The following CYFIP1 variants were observed in gnomAD, a reference collection of about 807,000 sequenced individuals.
The protein encoded by CYFIP1 is cytoplasmic FMR1-interacting protein 1.
Under a neutral mutation model 163.5 loss-of-function variants are expected in CYFIP1, and 58 were observed. The ratio of observed to expected loss-of-function variants is 0.35; its 90% CI spans 0.29 to 0.44. The LOEUF (loss-of-function observed/expected upper bound fraction) is 0.44, where lower values mean the gene tolerates loss of function less well. Among genes scored for constraint, CYFIP1 ranks in the 20% least tolerant of loss-of-function variants. The probability of loss-of-function intolerance (pLI) is 1.00; values close to 1 mark genes in which losing one functional copy is unlikely to be tolerated. For missense variants in CYFIP1, 1,338 were observed against 1,653.8 expected, an observed-to-expected ratio of 0.81 and a Z score of 3.31; for synonymous variants, 663 against 660.7, an observed-to-expected ratio of 1.00 and a Z score of -0.05.
chr15:22,963,620 T>C lies in CYFIP1; in HGVS notation c.-6-16329A>G, dbSNP rs116237736. On this transcript the variant is annotated intron_variant, in intron 1 of 30. Coordinates refer to ENST00000617928, the MANE Select transcript of CYFIP1 (RefSeq NM_014608.6). ...ACATAAGGGAAAGGAATGGGAAATG[T>C]CTCAAACAGACTTGCCCCGACTCTT... 4.2e-3 allele frequency among the ~76,000 whole-genome samples: 639 copies of C among 151,992 alleles called. 6 individuals carry two copies. Among genetic ancestry groups the C allele is most frequent in the African/African-American group, 0.015 (618 of 41,432 alleles).
intron 11 of CYFIP1, among the ~76,000 whole-genome samples, chr15:22,930,211 CA>C (rs1555412881): frequency 2.7e-5 from 4 of 149,096 alleles, no homozygotes; most frequent in East Asian, 2.0e-4. Flanking sequence ...AAAACACACA[CA>C]AAAAAAAACA....
chr15:22,900,304 C>T (rs901284984), intron 22 of CYFIP1, among the ~76,000 whole-genome samples: 1 of 152,066 alleles, frequency 6.6e-6, no homozygotes, highest in African/African-American at 2.4e-5. Context: ...CCAGAAGTAA[C>T]AGCTCTACCC....
In CYFIP1 at chr15:22,958,097, CT is replaced by C. The variant is rs57822590; in HGVS notation, c.-6-10807del. On this transcript the variant is annotated intron_variant, in intron 1 of 30. Coordinates refer to ENST00000617928, the MANE Select transcript of CYFIP1 (RefSeq NM_014608.6). ...CTAGCTTTATTACTGAAGTAATTTG[CT>C]TTTTTTTTTTTTTTGAAATGGAGTC... is the stretch of plus-strand genomic sequence containing the variant. 6.4e-3 allele frequency among the ~76,000 whole-genome samples: 896 copies of C among 141,008 alleles called. 3 individuals are homozygous for C. Among genetic ancestry groups the C allele is most frequent in the Middle Eastern group, 0.011 (3 of 278 alleles). 92.5% of individuals were successfully genotyped at this position (141,008 alleles called of 152,430 possible).
chr15:22,890,731 C>G (rs1278222765), intron 23 of CYFIP1, among the ~76,000 whole-genome samples: 1 of 106,818 alleles, frequency 9.4e-6, no homozygotes, highest in Non-Finnish European at 2.0e-5. Context: ...GAGGCCGCAC[C>G]TGCCAACAGC....
rs2063336371 is a variant in CYFIP1 at position 22,978,075 on chromosome 15, G to C, written c.-7+2212C>G. Among the ~76,000 whole-genome samples the C allele has an allele frequency of 2.6e-5, 4 of 151,764 alleles. No homozygotes were observed. In the South Asian group the frequency reaches 6.2e-4, roughly 24 times the overall value. ...ACAGAATACTATAGTGATTTGGCCG[G>C]GCACAGTGGCTCATGCCTGTAATAC... is the stretch of plus-strand genomic sequence containing the variant. On this transcript the variant is annotated intron_variant, in intron 1 of 30. Transcript: ENST00000617928.
chr15:22,969,980 A>G (rs1312137155), intron 1 of CYFIP1, among the ~76,000 whole-genome samples: 2 of 152,204 alleles, frequency 1.3e-5, no homozygotes, highest in South Asian at 2.1e-4. Context: ...ACATGATTTT[A>G]TATGTAGTAA....
At chr15:22,925,756 G>C (rs1327532935) in intron 13 of CYFIP1, among the ~76,000 whole-genome samples, 1 of 152,114 alleles carries the variant, frequency 6.6e-6, no homozygotes, top group Non-Finnish European at 1.5e-5. Context: ...CCAGACGCAG[G>C]TCCAGGAGTC....
At chr15:22,892,865 G>A (rs374110941) in intron 23 of CYFIP1, 25 bp downstream of exon 23, 56 of 1,557,710 alleles carry the variant, frequency 3.6e-5, no homozygotes, top group Non-Finnish European at 4.2e-5. Context: ...CTTCAAGCTC[G>A]TAACACGAAC....
chr15:22,879,240 T>C (rs549208662), intron 26 of CYFIP1, among the ~76,000 whole-genome samples: 14 of 152,152 alleles, frequency 9.2e-5, no homozygotes, highest in Non-Finnish European at 1.9e-4. Flanking sequence ...CCCACCTCGT[T>C]AGTCACGATG....
intron 11 of CYFIP1, among the ~76,000 whole-genome samples, chr15:22,928,389 T>A (rs897730434): frequency 2.7e-5 from 4 of 147,566 alleles, no homozygotes; most frequent in African/African-American, 9.9e-5. Flanking sequence ...TCTCAAAAAA[T>A]AATAAATAAA....
rs1445578058 is a variant in CYFIP1, at chr15:22,870,166, A to C, written c.3624T>G (p.Ile1208Met). 6.2e-7 allele frequency: 1 copy of C among 1,610,554 alleles called. No individual in the cohort carries two copies. The highest frequency in any genetic ancestry group is 8.5e-7 in the Non-Finnish European group (1 of 1,178,664). ...NVPLKKMVER[I>M]RKFQILNDEI... Reference sequence around the variant, plus strand: ...CATCATTGAGAATCTGGAACTTGCGAATTCTCTCCACCATCTTCTTCAAAG... The same window carrying C: ...CATCATTGAGAATCTGGAACTTGCGCATTCTCTCCACCATCTTCTTCAAAG... The change falls in exon 31 of 31, where the codon ATT becomes ATG. Residue 1208 changes from isoleucine (I) to methionine (M), a missense_variant. Ile to Met is a conservative substitution (Grantham distance 10, BLOSUM62 1). Transcript: ENST00000617928.
intron 1 of CYFIP1, among the ~76,000 whole-genome samples, chr15:22,960,363 G>A (rs1043216719): frequency 6.6e-6 from 1 of 152,192 alleles, no homozygotes; most frequent in Non-Finnish European, 1.5e-5. Flanking sequence ...CCATTTCAGC[G>A]GGCTCGTGCT....
intron 17 of CYFIP1, among the ~76,000 whole-genome samples, chr15:22,913,214 AAAG>A: frequency 6.6e-6 from 1 of 150,402 alleles, no homozygotes; most frequent in Middle Eastern, 3.5e-3. Context: ...GGAAAAAAAA[AAAG>A]AATGAACTGA....
intron 1 of CYFIP1, among the ~76,000 whole-genome samples, chr15:22,959,213 G>C: frequency 6.6e-6 from 1 of 152,326 alleles, no homozygotes; most frequent in East Asian, 1.9e-4. Flanking sequence ...GCAACACACA[G>C]ACAGCATAAA....
At chr15:22,922,863 A>C (rs550192909) in intron 13 of CYFIP1, among the ~76,000 whole-genome samples, 5 of 152,102 alleles carry the variant, frequency 3.3e-5, no homozygotes, top group Non-Finnish European at 7.4e-5. Context: ...GTGGTGGCGC[A>C]CACCTGTAAT....
In CYFIP1 at chr15:22,868,190, T is replaced by G. The variant is rs1221233586; in HGVS notation, c.*1838A>C. Reference sequence around the variant, plus strand: ...TTTTCCAACTTTATTATTGGCCTTCTAAGGAGCTGTTTTAGATGTTTTTTC... The same window carrying G: ...TTTTCCAACTTTATTATTGGCCTTCGAAGGAGCTGTTTTAGATGTTTTTTC... On this transcript the variant is annotated 3_prime_UTR_variant, in exon 31 of 31. Transcript: ENST00000617928. 2.6e-5 allele frequency: 4 copies of G among 152,202 alleles called. No homozygotes were observed. The East Asian group carries it at 7.7e-4, about 29-fold the overall frequency. The allele number at this position is 152,202 out of a possible 1,614,324, so 9.4% of individuals were successfully genotyped here.
chr15:22,867,163 T>C lies in CYFIP1; in HGVS notation c.*2865A>G, dbSNP rs985337260. On this transcript the variant is annotated 3_prime_UTR_variant, in exon 31 of 31. Transcript: ENST00000617928. Reference sequence around the variant, plus strand: ...CTATGAAAATGCTTTATTTTTTCATTGGTGATGAAAGTCTGAAATGTGCAT... The same window carrying C: ...CTATGAAAATGCTTTATTTTTTCATCGGTGATGAAAGTCTGAAATGTGCAT... 1 of 447,112 alleles carries C rather than the reference T, an allele frequency of 2.2e-6. No individual in the cohort carries two copies. The highest frequency in any genetic ancestry group is 3.9e-6 in the Non-Finnish European group (1 of 256,028). 27.7% of individuals were successfully genotyped at this position (447,112 alleles called of 1,614,324 possible). A position where few individuals can be genotyped will look rare whatever the true frequency, so the allele number is the denominator to read the frequency against.
At chr15:22,894,503 T>G (rs538454617) in intron 22 of CYFIP1, among the ~76,000 whole-genome samples, 13 of 151,646 alleles carry the variant, frequency 8.6e-5, no homozygotes, top group Non-Finnish European at 1.6e-4. Flanking sequence ...TTGGTCAGGC[T>G]GGTCTTGAAC....
chr15:22,867,300 C>T lies in CYFIP1; in HGVS notation c.*2728G>A, dbSNP rs2059164706. 2.5e-6 allele frequency: 1 copy of T among 398,316 alleles called. No homozygotes were observed. The highest frequency in any genetic ancestry group is 4.4e-6 in the Non-Finnish European group (1 of 226,038). 24.7% of individuals were successfully genotyped at this position (398,316 alleles called of 1,614,324 possible). Reference sequence around the variant, plus strand: ...TTTACCTTACCTACAAAAGTGGCTCCTGTTTGTTTGATGATGATTGGTTTT... The same window carrying T: ...TTTACCTTACCTACAAAAGTGGCTCTTGTTTGTTTGATGATGATTGGTTTT... On this transcript the variant is annotated 3_prime_UTR_variant, in exon 31 of 31. Coordinates refer to ENST00000617928, the MANE Select transcript of CYFIP1 (RefSeq NM_014608.6).
Sources: allele counts gnomAD v4.1 joint callset (sites outside exome capture counted in the v4.1 genomes callset), GRCh38; gene constraint gnomAD v4.1.1; transcripts MANE v1.5; gene names NCBI Gene and HGNC (gene_info 2026-07-23, HGNC 2026-07-21).